SEMA3A: variants seen among roughly 807,000 people sequenced by gnomAD.
SEMA3A encodes the protein semaphorin 3A.
Under a neutral mutation model 97.9 loss-of-function variants are expected in SEMA3A, and 29 were observed. That is an observed-to-expected ratio of 0.30 (90% CI 0.22 to 0.40). The LOEUF is 0.40. SEMA3A is among the 10% of genes least tolerant of loss of function. The pLI is 1.00. For missense variants in SEMA3A, 763 were observed against 951.3 expected (o/e 0.80, Z 2.60); for synonymous variants, 321 against 323.7 (o/e 0.99, Z 0.09).
At chr7:84,091,164 G>GA (rs1425194347) in intron 4 of SEMA3A, among the ~76,000 whole-genome samples, 673 of 31,992 alleles carry the variant, frequency 0.021, 11 homozygotes, top group Admixed American at 0.03. Context: ...AGGAAGGAAG[G>GA]AAGGAAAGAA....
intron 1 of SEMA3A, among the ~76,000 whole-genome samples, chr7:84,146,823 C>A (rs1796475670): frequency 6.6e-6 from 1 of 151,980 alleles, no homozygotes; most frequent in Admixed American, 6.6e-5. Context: ...TTGATTCTGC[C>A]TTATGTTTTA....
At chr7:84,280,043 A>T (rs1467202626) in intron 3 of SEMA3A, among the ~76,000 whole-genome samples, 1 of 152,114 alleles carries the variant, frequency 6.6e-6, no homozygotes, top group South Asian at 2.1e-4. Context: ...GACCAAAGGC[A>T]CATGCCACCA....
chr7:84,431,294 A>C (rs1489490657), intron 1 of SEMA3A, among the ~76,000 whole-genome samples: 1 of 152,048 alleles, frequency 6.6e-6, no homozygotes, highest in African/African-American at 2.4e-5. Context: ...CTGCCCATGA[A>C]TATTGAAAGG....
intron 1 of SEMA3A, among the ~76,000 whole-genome samples, chr7:84,386,458 C>T (rs1803399674): frequency 6.6e-6 from 1 of 152,112 alleles, no homozygotes. Flanking sequence ...CAAGGAGACA[C>T]ATGATGCTTC....
intron 1 of SEMA3A, among the ~76,000 whole-genome samples, chr7:84,458,047 C>A (rs1805729494): frequency 6.6e-6 from 1 of 151,998 alleles, no homozygotes; most frequent in Non-Finnish European, 1.5e-5. Context: ...TTAGGTAAGA[C>A]TTTATGTTTA....
intron 15 of SEMA3A, 38 bp from the exon 16 acceptor site, chr7:83,963,385 G>C (rs889155325): frequency 3.8e-6 from 6 of 1,580,900 alleles, no homozygotes; most frequent in Non-Finnish European, 5.2e-6. Context: ...GAAAATATTA[G>C]AGAAGTAATT....
chr7:83,998,633 C>T (rs919891832), intron 12 of SEMA3A, among the ~76,000 whole-genome samples: 1 of 146,812 alleles, frequency 6.8e-6, no homozygotes, highest in Non-Finnish European at 1.5e-5. Flanking sequence ...TCTGCAAGTA[C>T]TTTACAATAT....
chr7:84,478,220 T>G (rs1333046497), intron 1 of SEMA3A, among the ~76,000 whole-genome samples: 1 of 152,124 alleles, frequency 6.6e-6, no homozygotes, highest in Non-Finnish European at 1.5e-5. Flanking sequence ...ATCAGTCCAT[T>G]AGTATCAAGT....
intron 3 of SEMA3A, among the ~76,000 whole-genome samples, chr7:84,214,757 G>T (rs1798706209): frequency 6.7e-6 from 1 of 148,846 alleles, no homozygotes; most frequent in South Asian, 2.1e-4. Flanking sequence ...GGAGTGCAGT[G>T]GTGTGATTTG....
chr7:84,398,367 A>G (rs1803795993), intron 1 of SEMA3A, among the ~76,000 whole-genome samples: 1 of 152,206 alleles, frequency 6.6e-6, no homozygotes, highest in Admixed American at 6.5e-5. Flanking sequence ...ATATTATTGT[A>G]GCACGTGACA....
intron 1 of SEMA3A, among the ~76,000 whole-genome samples, chr7:84,403,776 G>A (rs1399954268): frequency 2.0e-5 from 3 of 152,118 alleles, no homozygotes; most frequent in Non-Finnish European, 4.4e-5. Context: ...TGATACCCAG[G>A]CAAACAGGGT....
chr7:83,989,019 A>G (rs1390266347), intron 12 of SEMA3A, among the ~76,000 whole-genome samples: 5 of 152,170 alleles, frequency 3.3e-5, no homozygotes. Flanking sequence ...GGAATCAATA[A>G]CCAAAACAGA....
At chr7:84,034,613 T>C (rs926753212) in intron 6 of SEMA3A, among the ~76,000 whole-genome samples, 5 of 152,162 alleles carry the variant, frequency 3.3e-5, no homozygotes, top group Admixed American at 3.3e-4. Flanking sequence ...CTGCCAATTT[T>C]TCAAATATTG....
intron 3 of SEMA3A, among the ~76,000 whole-genome samples, chr7:84,125,165 T>C (rs1195057141): frequency 6.6e-6 from 1 of 152,192 alleles, no homozygotes; most frequent in African/African-American, 2.4e-5. Flanking sequence ...AAATATTTTA[T>C]AATGTTACAA....
At position 84,346,413 on chromosome 7, in the gene SEMA3A, G is replaced by A. The variant is rs1802301122; in HGVS notation, c.-169+25411C>T. 1.3e-5 allele frequency among the ~76,000 whole-genome samples: 2 copies of A among 152,146 alleles called. 1 individual carries two copies. Among genetic ancestry groups the A allele is most frequent in the Non-Finnish European group, 2.9e-5 (2 of 68,038 alleles). Reference sequence around the variant, plus strand: ...TGAACTGCTTGGTGCAAGAGGCCTTGCTTTTGGCCTACCTTGGCTTTTTAA... The same window carrying A: ...TGAACTGCTTGGTGCAAGAGGCCTTACTTTTGGCCTACCTTGGCTTTTTAA... On this transcript the variant is annotated intron_variant, in intron 2 of 3. Transcript: ENST00000424555.
At chr7:84,159,696 C>A (rs1796966352) in intron 1 of SEMA3A, among the ~76,000 whole-genome samples, 1 of 151,772 alleles carries the variant, frequency 6.6e-6, no homozygotes, top group African/African-American at 2.4e-5. Flanking sequence ...TACTATAATT[C>A]AATCACAGAA....
chr7:84,112,846 G>A (rs1246950608), intron 3 of SEMA3A, among the ~76,000 whole-genome samples: 1 of 152,218 alleles, frequency 6.6e-6, no homozygotes, highest in African/African-American at 2.4e-5. Context: ...CTACAGAGCT[G>A]TTGGAACAAA....
At chr7:84,042,991 G>A (rs778523521) in intron 6 of SEMA3A, among the ~76,000 whole-genome samples, 36 of 151,906 alleles carry the variant, frequency 2.4e-4, no homozygotes, top group South Asian at 1.5e-3. Context: ...ACATTAAGCT[G>A]AAATTGGAAT....
At chr7:84,379,896 G>C (rs990170890) in intron 1 of SEMA3A, among the ~76,000 whole-genome samples, 1 of 152,086 alleles carries the variant, frequency 6.6e-6, no homozygotes, top group Non-Finnish European at 1.5e-5. Flanking sequence ...CACATACAAT[G>C]GCTAAAAATA....
Sources: gnomAD v4.1 joint callset for allele counts (sites outside exome capture counted in the v4.1 genomes callset) on GRCh38, gnomAD v4.1.1 for gene constraint, MANE v1.5 for transcripts, NCBI Gene and HGNC (gene_info 2026-07-23, HGNC 2026-07-21) for gene names.